The following KIRREL3 variants were observed in gnomAD, a reference collection of about 807,000 sequenced individuals.
The protein encoded by KIRREL3 is kirre like nephrin family adhesion molecule 3, also known as kin of IRRE-like protein 3.
In KIRREL3, 36 loss-of-function variants were observed where a neutral mutation model predicts 89.7. That is an observed-to-expected ratio of 0.40 (90% confidence interval 0.31 to 0.53). KIRREL3 has a LOEUF of 0.53. Ranked by LOEUF, KIRREL3 falls within the 20% of genes least tolerant of loss-of-function variation. The probability of loss-of-function intolerance (pLI) is 0.49; values close to 1 mark genes in which losing one functional copy is unlikely to be tolerated. For synonymous variants in KIRREL3, 445 were observed against 441.4 expected (o/e 1.01, Z -0.10); for missense variants, 864 against 1,056.6 (o/e 0.82, Z 2.53).
In KIRREL3 at chr11:126,477,859, C is replaced by T. The variant is rs2134297748; in HGVS notation, c.434-4393G>A. On this transcript the variant is annotated intron_variant, in intron 4 of 16. Coordinates refer to ENST00000525144, the MANE Select transcript of KIRREL3 (RefSeq NM_032531.4). The surrounding 1 kb of genome is among the most constrained non-coding windows in gnomAD (Gnocchi z 4.8). Reference sequence around the variant, plus strand: ...GGACCAGCAGCACCACCCTCCTGCCCCCATACTGCATGGTGGAGAACCTCA... The same window carrying T: ...GGACCAGCAGCACCACCCTCCTGCCTCCATACTGCATGGTGGAGAACCTCA... Among the ~76,000 whole-genome samples, 1 of 152,284 alleles carries T rather than the reference C, an allele frequency of 6.6e-6. No homozygotes were observed. Among genetic ancestry groups the T allele is most frequent in the East Asian group, 1.9e-4 (1 of 5,168 alleles).
rs1052593087 is a variant in KIRREL3, at chr11:126,896,683, G to A, written c.55+103772C>T. Among the ~76,000 whole-genome samples, 2 of 152,144 alleles carry A rather than the reference G, an allele frequency of 1.3e-5. No individual in the cohort carries two copies. Among genetic ancestry groups the A allele is most frequent in the Non-Finnish European group, 2.9e-5 (2 of 68,026 alleles). ...TGGGACTTTAATTCTTTTGAGGGCC[G>A]TTGCTCTTCTCAGACACCCAGGGGA... On this transcript the variant is annotated intron_variant, in intron 1 of 16. Transcript: ENST00000525144. The surrounding 1 kb of genome is among the most constrained non-coding windows in gnomAD (Gnocchi z 4.1).
rs533405824 is a variant in KIRREL3, at chr11:126,557,381, G to A, written c.133+5454C>T. On this transcript the variant is annotated intron_variant, in intron 2 of 16. Transcript: ENST00000525144. The surrounding 1 kb of genome is among the most constrained non-coding windows in gnomAD (Gnocchi z 5.6). ...GTGACCAAGACATTTAAAATTATGG[G>A]ATGGGCTGTGAGAACAGGGTGTGGG... Among the ~76,000 whole-genome samples, 137 of 152,308 alleles carry A rather than the reference G, an allele frequency of 9.0e-4. 1 individual carries two copies. The highest frequency in any genetic ancestry group is 3.9e-3 in the South Asian group (19 of 4,828).
At chr11:126,923,260 TCTTCTTCTCCTTCTCCTTCTCCTTCTC>T (rs1947525080) in intron 1 of KIRREL3, among the ~76,000 whole-genome samples, 1 of 96,666 alleles carries the variant, frequency 1.0e-5, no homozygotes, top group African/African-American at 4.6e-5. Context: ...TTCTTCTTCT[TCTTCTTCTCCTTCTCCTTCTCCTTCTC>T]CTTCTCCTTC....
chr11:126,847,265 G>A (rs1034768800), intron 1 of KIRREL3, among the ~76,000 whole-genome samples: 2 of 152,104 alleles, frequency 1.3e-5, no homozygotes, highest in African/African-American at 4.8e-5. Flanking sequence ...AAAATTATGT[G>A]TAACTCCTAT....
chr11:126,977,230 AC>A lies in KIRREL3; in HGVS notation c.55+23224del, dbSNP rs1671554555. Among the ~76,000 whole-genome samples the A allele has an allele frequency of 1.3e-5, 2 of 150,064 alleles. No homozygotes were observed. The highest frequency in any genetic ancestry group is 4.3e-4 in the South Asian group (2 of 4,634). ...AGGTGCCCCGCCTGCCATCTTTTGTACCTTTTTTTCAAAACTGAGCTCCTTG... is the reference window on the plus strand; with the variant it reads ...AGGTGCCCCGCCTGCCATCTTTTGTACTTTTTTTCAAAACTGAGCTCCTTG... On this transcript the variant is annotated intron_variant, in intron 1 of 16. Coordinates refer to ENST00000525144, the MANE Select transcript of KIRREL3 (RefSeq NM_032531.4). The surrounding 1 kb of genome is among the most constrained non-coding windows in gnomAD (Gnocchi z 4.7).
At position 126,563,718 on chromosome 11, in the gene KIRREL3, T is replaced by C. The variant is rs1456126220; in HGVS notation, c.56-806A>G. Among the ~76,000 whole-genome samples, 2 of 152,320 alleles carry C rather than the reference T, an allele frequency of 1.3e-5. No individual in the cohort carries two copies. The highest frequency in any genetic ancestry group is 3.9e-4 in the East Asian group (2 of 5,188). On this transcript the variant is annotated intron_variant, in intron 1 of 16. Coordinates refer to ENST00000525144, the MANE Select transcript of KIRREL3 (RefSeq NM_032531.4). This position sits in a 1 kb window ranked among gnomAD's most constrained non-coding sequence, Gnocchi z 6.8. ...TTTTATTTGCACAGTATTTTGTAAA[T>C]CAGTGTCCATTGTGTGTGTGAGCAT...
chr11:126,765,537 T>C (rs1795659734), intron 1 of KIRREL3, among the ~76,000 whole-genome samples: 1 of 152,354 alleles, frequency 6.6e-6, no homozygotes, highest in Non-Finnish European at 1.5e-5. Context: ...GAATAAACAA[T>C]GTTCTGATAA....
chr11:126,625,284 C>G (rs1943735665), intron 1 of KIRREL3, among the ~76,000 whole-genome samples: 1 of 152,148 alleles, frequency 6.6e-6, no homozygotes. Context: ...GACTGCTTCC[C>G]CTGGTCTATT....
chr11:126,780,274 C>T lies in KIRREL3; in HGVS notation c.56-217362G>A, dbSNP rs952554640. Among the ~76,000 whole-genome samples, 2 of 152,184 alleles carry T rather than the reference C, an allele frequency of 1.3e-5. No homozygotes were observed. The highest frequency in any genetic ancestry group is 4.8e-5 in the African/African-American group (2 of 41,440). On this transcript the variant is annotated intron_variant, in intron 1 of 16. Transcript: ENST00000525144. This position sits in a 1 kb window ranked among gnomAD's most constrained non-coding sequence, Gnocchi z 5.3. ...TGGACTGCAGATGTGTAAGAGCAGCCTATCTTCTTCCGAGTCCACTAGAGA... is the reference window on the plus strand; with the variant it reads ...TGGACTGCAGATGTGTAAGAGCAGCTTATCTTCTTCCGAGTCCACTAGAGA...
At chr11:126,662,923 T>TC (rs1216168839) in intron 1 of KIRREL3, among the ~76,000 whole-genome samples, 73 of 148,882 alleles carry the variant, frequency 4.9e-4, no homozygotes, top group African/African-American at 1.8e-3. Flanking sequence ...TTTTTTTTTT[T>TC]TTTTGCTCCA....
intron 1 of KIRREL3, among the ~76,000 whole-genome samples, chr11:126,781,005 A>G (rs1255759184): frequency 6.6e-6 from 1 of 152,220 alleles, no homozygotes; most frequent in Non-Finnish European, 1.5e-5. Flanking sequence ...AAGAGCTCCC[A>G]GGCCTCTGGG....
intron 1 of KIRREL3, among the ~76,000 whole-genome samples, chr11:126,911,662 T>C (rs1353745572): frequency 6.6e-6 from 1 of 152,142 alleles, no homozygotes; most frequent in Non-Finnish European, 1.5e-5. Context: ...TTTCCTCTTC[T>C]GGGCCCCAGC....
At chr11:126,973,975 G>T (rs1400214712) in intron 1 of KIRREL3, among the ~76,000 whole-genome samples, 1 of 152,086 alleles carries the variant, frequency 6.6e-6, no homozygotes, top group African/African-American at 2.4e-5. Context: ...TGTTCCAAGG[G>T]CAAGACTAGG....
chr11:126,647,073 C>T lies in KIRREL3; in HGVS notation c.56-84161G>A, dbSNP rs1001620251. On this transcript the variant is annotated intron_variant, in intron 1 of 16. Coordinates refer to ENST00000525144, the MANE Select transcript of KIRREL3 (RefSeq NM_032531.4). The surrounding 1 kb of genome is among the most constrained non-coding windows in gnomAD (Gnocchi z 4.9). ...ACACTTAAGCATTTAGAAAGTATTA[C>T]TCATCTTCCAACCACTGACAAACAG... Among the ~76,000 whole-genome samples the T allele has an allele frequency of 6.6e-5, 10 of 152,162 alleles. No homozygotes were observed. The highest frequency in any genetic ancestry group is 2.2e-4 in the African/African-American group (9 of 41,448).
rs1951165903 is a variant in KIRREL3, at chr11:126,805,154, A to G, written c.55+195301T>C. On this transcript the variant is annotated intron_variant, in intron 1 of 16. Coordinates refer to ENST00000525144, the MANE Select transcript of KIRREL3 (RefSeq NM_032531.4). The surrounding 1 kb of genome is among the most constrained non-coding windows in gnomAD (Gnocchi z 4.3). ...TGTGTGTGCATGTATGTATTCATAC[A>G]TTAATGTATTAAGGTAACATCTTTG... 6.6e-6 allele frequency among the ~76,000 whole-genome samples: 1 copy of G among 152,242 alleles called. No individual in the cohort carries two copies. Among genetic ancestry groups the G allele is most frequent in the Non-Finnish European group, 1.5e-5 (1 of 68,046 alleles).
chr11:126,804,672 T>C (rs1035793522), intron 1 of KIRREL3, among the ~76,000 whole-genome samples: 2 of 152,214 alleles, frequency 1.3e-5, no homozygotes, highest in Non-Finnish European at 2.9e-5. Context: ...CTATGAAATA[T>C]ACCTCCCTGC....
chr11:126,828,113 G>A (rs530996106), intron 1 of KIRREL3, among the ~76,000 whole-genome samples: 1 of 152,264 alleles, frequency 6.6e-6, no homozygotes, highest in South Asian at 2.1e-4. Flanking sequence ...CATGACATAT[G>A]GTAAATATTT....
rs981440240 is a variant in KIRREL3 at position 126,631,084 on chromosome 11, C to T, written c.56-68172G>A. Among the ~76,000 whole-genome samples, 6 of 152,168 alleles carry T rather than the reference C, an allele frequency of 3.9e-5. No individual in the cohort carries two copies. The South Asian group carries it at 1.2e-3, about 32-fold the overall frequency. On this transcript the variant is annotated intron_variant, in intron 1 of 16. Coordinates refer to ENST00000525144, the MANE Select transcript of KIRREL3 (RefSeq NM_032531.4). ...TGACACAGTAGCTACTTCGTGTTCC[C>T]TCTTCATTCAGTTGTCTGTGCAATC...
chr11:126,976,901 C>G lies in KIRREL3; in HGVS notation c.55+23554G>C, dbSNP rs1949594103. Among the ~76,000 whole-genome samples the G allele has an allele frequency of 1.3e-5, 2 of 152,102 alleles. No homozygotes were observed. Among genetic ancestry groups the G allele is most frequent in the African/African-American group, 4.8e-5 (2 of 41,410 alleles). ...AACCACCAACTTGTATGATCTCTTC[C>G]TGTCACATCCCCTATCTCAAGTTTT... On this transcript the variant is annotated intron_variant, in intron 1 of 16. Coordinates refer to ENST00000525144, the MANE Select transcript of KIRREL3 (RefSeq NM_032531.4). The surrounding 1 kb of genome is among the most constrained non-coding windows in gnomAD (Gnocchi z 4.2).
Sources: gnomAD v4.1 joint callset for allele counts (sites outside exome capture counted in the v4.1 genomes callset) on GRCh38, gnomAD v4.1.1 for gene constraint, Gnocchi (gnomAD v3.1) non-coding constraint, MANE v1.5 for transcripts, NCBI Gene and HGNC (gene_info 2026-07-23, HGNC 2026-07-21) for gene names.